AGPAT1: variants seen among roughly 807,000 people sequenced by gnomAD.
AGPAT1 encodes the protein 1-acyl-sn-glycerol-3-phosphate acyltransferase alpha.
AGPAT1 carries 6 observed loss-of-function variants against 31.2 expected under a neutral mutation model. That is an observed-to-expected ratio of 0.19 (90% CI 0.11 to 0.38). The LOEUF is 0.38. AGPAT1 is among the 10% of genes least tolerant of loss of function. The pLI, the probability that AGPAT1 is intolerant of heterozygous loss-of-function variation, is 1.00. For synonymous variants in AGPAT1, 139 were observed against 154.0 expected (o/e 0.90, Z 0.72); for missense variants, 187 against 377.8 (o/e 0.49, Z 4.19).
In AGPAT1 at chr6:32,171,269, T is replaced by G. The variant is rs564760629; in HGVS notation, c.200+28A>C. On this transcript the variant is annotated intron_variant, in intron 2 of 6. Transcript: ENST00000375107. This position sits in a 1 kb window ranked among gnomAD's most constrained non-coding sequence, Gnocchi z 6.9. ...ACTCACTTTGTACCCTTAGGTTCCC[T>G]CATTGCCCAAGACCCCTTGCCCCTC... 1 of 1,613,058 alleles carries G rather than the reference T, an allele frequency of 6.2e-7. No homozygotes were observed. Among genetic ancestry groups the G allele is most frequent in the Middle Eastern group, 1.6e-4 (1 of 6,062 alleles).
chr6:32,170,248 C>A lies in AGPAT1; in HGVS notation c.523G>T (p.Val175Leu). 6.2e-7 allele frequency: 1 copy of A among 1,613,666 alleles called. No individual in the cohort carries two copies. The highest frequency in any genetic ancestry group is 8.5e-7 in the Non-Finnish European group (1 of 1,179,820). Residue 175 changes from valine (V) to leucine (L), a missense_variant, in exon 5 of 7, where the codon GTG (valine) becomes TTG (leucine). Coordinates refer to ENST00000375107, the MANE Select transcript of AGPAT1 (RefSeq NM_006411.4). This position sits in a 1 kb window ranked among gnomAD's most constrained non-coding sequence, Gnocchi z 7.7. ...TGGTTTCTCGTTCCCTCAGGAAACA[C>A]CCAGACCCTCACCTGGGGGAGAAAG... ...TLLTQDVRVW[V>L]FPEGTRNHNG...
In AGPAT1 at chr6:32,170,565, T is replaced by C; in HGVS notation, c.370A>G (p.Ile124Val). The C allele has an allele frequency of 6.2e-7, 1 of 1,612,642 alleles. No homozygotes were observed. Among genetic ancestry groups the C allele is most frequent in the Non-Finnish European group, 8.5e-7 (1 of 1,180,020 alleles). Residue 124 changes from isoleucine to valine, a missense_variant, in exon 4 of 7, where the codon ATT becomes GTT. By Grantham distance (29) the Ile-to-Val change is conservative (BLOSUM62 3). Coordinates refer to ENST00000375107, the MANE Select transcript of AGPAT1 (RefSeq NM_006411.4). This position sits in a 1 kb window ranked among gnomAD's most constrained non-coding sequence, Gnocchi z 7.7. The part of the protein sequence containing the change: ...MEVLPGRCVP[I>V]AKRELLWAGS... ...GCCCACAGTAGCTCGCGCTTGGCAA[T>C]GGGCACACAGCGGCCTGGCAGTACC...
chr6:32,177,151 A>T, upstream of AGPAT1: 1 of 398,486 alleles, frequency 2.5e-6, no homozygotes. Flanking sequence ...ATCTTTTATC[A>T]AGGTCCCCCC....
upstream of AGPAT1, chr6:32,176,193 A>C (rs1047348012): frequency 5.2e-6 from 5 of 968,998 alleles, no homozygotes; most frequent in African/African-American, 3.5e-5. Context: ...AAACTCTGGC[A>C]TCTCCTCCCC....
upstream of AGPAT1, chr6:32,176,402 CT>C (rs923195167): frequency 2.9e-5 from 23 of 793,026 alleles, no homozygotes; most frequent in Admixed American, 6.2e-5. Context: ...TACTTGGTCT[CT>C]TTTTTTCTCA....
Position 32,175,504 on chromosome 6 carries a change from G to A in AGPAT1, c.-10+310C>T, listed in dbSNP as rs1372836838. ...CTCATGACCCTTCAAGAGTCATGTG[G>A]GGTCAAAGGGCAAGAAAAGGAATTG... On this transcript the variant is annotated intron_variant, in intron 1 of 6. Coordinates refer to ENST00000375107, the MANE Select transcript of AGPAT1 (RefSeq NM_006411.4). This position sits in a 1 kb window ranked among gnomAD's most constrained non-coding sequence, Gnocchi z 4.5. 1.3e-5 allele frequency among the ~76,000 whole-genome samples: 2 copies of A among 152,210 alleles called. No individual in the cohort carries two copies. The highest frequency in any genetic ancestry group is 3.9e-4 in the East Asian group (2 of 5,176).
chr6:32,169,292 G>A lies in AGPAT1; in HGVS notation c.836C>T (p.Pro279Leu), dbSNP rs757621954. The part of the protein sequence containing the change: ...GRGGGDYLKK[P>L]GGGG ...AGCCAGGGTTCACCCACCGCCCCCA[G>A]GCTTCTTCAGATAGTCACCACCACC... is the stretch of plus-strand genomic sequence containing the variant. Residue 279 changes from proline to leucine, a missense_variant, in exon 7 of 7, where the codon CCT becomes CTT. Around this residue, in one of 3 missense-constraint regions of AGPAT1, gnomAD observed 29 missense variants for 33.8 expected, o/e 0.86. Coordinates refer to ENST00000375107, the MANE Select transcript of AGPAT1 (RefSeq NM_006411.4). This position sits in a 1 kb window ranked among gnomAD's most constrained non-coding sequence, Gnocchi z 5.9. 9.3e-6 allele frequency: 15 copies of A among 1,612,780 alleles called. No homozygotes were observed. The highest frequency in any genetic ancestry group is 1.3e-5 in the Non-Finnish European group (15 of 1,179,920).
chr6:32,171,555 G>C lies in AGPAT1; in HGVS notation c.-9-50C>G. 1 of 1,535,894 alleles carries C rather than the reference G, an allele frequency of 6.5e-7. No individual in the cohort carries two copies. The highest frequency in any genetic ancestry group is 8.7e-7 in the Non-Finnish European group (1 of 1,145,748). ...ATCAGCCTGGTTTCTGGAGGAGAGT[G>C]GGGTAGGCAAGGCACAGAAGGCAGG... On this transcript the variant is annotated intron_variant, in intron 1 of 6. Transcript: ENST00000375107. The surrounding 1 kb of genome is among the most constrained non-coding windows in gnomAD (Gnocchi z 6.9).
In AGPAT1 at chr6:32,173,514, A is replaced by AT. The variant is rs914973862; in HGVS notation, c.-9-2010dup. 1.3e-5 allele frequency among the ~76,000 whole-genome samples: 2 copies of AT among 152,166 alleles called. No homozygotes were observed. The highest frequency in any genetic ancestry group is 2.9e-5 in the Non-Finnish European group (2 of 68,012). On this transcript the variant is annotated intron_variant, in intron 1 of 6. Coordinates refer to ENST00000375107, the MANE Select transcript of AGPAT1 (RefSeq NM_006411.4). This position sits in a 1 kb window ranked among gnomAD's most constrained non-coding sequence, Gnocchi z 4.7. ...CACAGAGATTTTTCTGTTAGCACAG[A>AT]TTTTTCTGAAACACAGAGCATTTCC...
rs1326586938 is a variant in AGPAT1, at chr6:32,175,451, A to G, written c.-10+363T>C. On this transcript the variant is annotated intron_variant, in intron 1 of 6. Transcript: ENST00000375107. This position sits in a 1 kb window ranked among gnomAD's most constrained non-coding sequence, Gnocchi z 4.5. ...AACAGAGGCACCTAAGGGTATTCCTAAGAGGCAAATTCTGCTGGCCTTCTC... is the reference window on the plus strand; with the variant it reads ...AACAGAGGCACCTAAGGGTATTCCTGAGAGGCAAATTCTGCTGGCCTTCTC... Among the ~76,000 whole-genome samples the G allele has an allele frequency of 6.6e-6, 1 of 152,092 alleles. No individual in the cohort carries two copies. Among genetic ancestry groups the G allele is most frequent in the African/African-American group, 2.4e-5 (1 of 41,406 alleles).
upstream of AGPAT1, among the ~76,000 whole-genome samples, chr6:32,176,328 T>A (rs1006996099): frequency 4.6e-5 from 7 of 152,214 alleles, no homozygotes; most frequent in Non-Finnish European, 7.3e-5. Context: ...CCCCTGGTGC[T>A]GTATTCCTCC....
At position 32,170,304 on chromosome 6, in the gene AGPAT1, A is replaced by C. The variant is rs1353881099; in HGVS notation, c.511-44T>G. The C allele has an allele frequency of 1.4e-5, 23 of 1,605,528 alleles. No individual in the cohort carries two copies. The highest frequency in any genetic ancestry group is 2.0e-5 in the Non-Finnish European group (23 of 1,174,502). Reference sequence around the variant, plus strand: ...CAAAGAAGACAAATACATATGGAGGAGTCAGAATAGGTGTGATGTTATAAT... The same window carrying C: ...CAAAGAAGACAAATACATATGGAGGCGTCAGAATAGGTGTGATGTTATAAT... On this transcript the variant is annotated intron_variant, in intron 4 of 6. Transcript: ENST00000375107. This position sits in a 1 kb window ranked among gnomAD's most constrained non-coding sequence, Gnocchi z 7.7.
At chr6:32,176,370 GCT>G (rs763969397), upstream of AGPAT1, 15 of 483,888 alleles carry the variant, frequency 3.1e-5, no homozygotes, top group Admixed American at 1.3e-4. Context: ...TTCTCCATCA[GCT>G]CTCTTTTAAC....
In AGPAT1 at chr6:32,170,681, C is replaced by A. The variant is rs764744712; in HGVS notation, c.335-81G>T. The A allele has an allele frequency of 1.3e-6, 2 of 1,535,548 alleles. No homozygotes were observed. Among genetic ancestry groups the A allele is most frequent in the South Asian group, 2.2e-5 (2 of 89,260 alleles). ...GCAACCCACCTCACCCAGCTCATCA[C>A]CCTCTGGTAGGGACTGGAGGTGAAG... On this transcript the variant is annotated intron_variant, in intron 3 of 6. Transcript: ENST00000375107. This position sits in a 1 kb window ranked among gnomAD's most constrained non-coding sequence, Gnocchi z 7.7.
At chr6:32,176,961 T>C (rs1264826631), upstream of AGPAT1, 1 of 398,574 alleles carries the variant, frequency 2.5e-6, no homozygotes, top group East Asian at 3.6e-5. Context: ...CCTCTTCTCT[T>C]CCTCCACTCC....
rs760726399 is a variant in AGPAT1 at position 32,169,347 on chromosome 6, C to G, written c.781G>C (p.Val261Leu). 1.9e-6 allele frequency: 3 copies of G among 1,613,010 alleles called. No individual in the cohort carries two copies. Among genetic ancestry groups the G allele is most frequent in the Non-Finnish European group, 2.5e-6 (3 of 1,179,990 alleles). The stretch of plus-strand genomic sequence containing the variant: ...CCATCAGTGGAGATTTCCCGGAAAA[C>G]AGTGAGCATGGAGTGCCGGACTCTG... ...ADRVRHSMLT[V>L]FREISTDGRG... The change falls in exon 7 of 7, where the codon GTT becomes CTT. Residue 261 changes from valine (V) to leucine (L), a missense_variant. Coordinates refer to ENST00000375107, the MANE Select transcript of AGPAT1 (RefSeq NM_006411.4). This position sits in a 1 kb window ranked among gnomAD's most constrained non-coding sequence, Gnocchi z 5.9.
chr6:32,171,996 C>A lies in AGPAT1; in HGVS notation c.-9-491G>T, dbSNP rs1457736934. 1 of 173,822 alleles carries A rather than the reference C, an allele frequency of 5.8e-6. No homozygotes were observed. Among genetic ancestry groups the A allele is most frequent in the African/African-American group, 2.4e-5 (1 of 41,878 alleles). The allele number at this position is 173,822 out of a possible 1,614,324, so 10.8% of individuals were successfully genotyped here. A position where few individuals can be genotyped will look rare whatever the true frequency, so the allele number is the denominator to read the frequency against. On this transcript the variant is annotated intron_variant, in intron 1 of 6. Coordinates refer to ENST00000375107, the MANE Select transcript of AGPAT1 (RefSeq NM_006411.4). The surrounding 1 kb of genome is among the most constrained non-coding windows in gnomAD (Gnocchi z 6.9). Reference sequence around the variant, plus strand: ...AAAATGTGAGATATCCATTACTAATCTTTTATGCTGACTACATTTTGAAAT... The same window carrying A: ...AAAATGTGAGATATCCATTACTAATATTTTATGCTGACTACATTTTGAAAT...
rs775617427 is a variant in AGPAT1, at chr6:32,169,402, C to T, written c.726G>A (p.Leu242=). ...CCAGAGCTGGGACGTCATCTGGTGT[C>T]AGCCCTTCCGTGGGCACTGGGGGCA... ...RVLPPVPTEG[L]TPDDVPALAD... The change falls in exon 7 of 7, where the codon CTG becomes CTA. Residue 242 remains leucine, a synonymous_variant. Transcript: ENST00000375107. The surrounding 1 kb of genome is among the most constrained non-coding windows in gnomAD (Gnocchi z 5.9). 1.9e-6 allele frequency: 3 copies of T among 1,612,686 alleles called. No individual in the cohort carries two copies. Among genetic ancestry groups the T allele is most frequent in the South Asian group, 2.2e-5 (2 of 91,090 alleles).
Position 32,169,258 on chromosome 6 carries a change from A to G in AGPAT1, c.*18T>C. 1 of 1,610,790 alleles carries G rather than the reference A, an allele frequency of 6.2e-7. No individual in the cohort carries two copies. The highest frequency in any genetic ancestry group is 8.5e-7 in the Non-Finnish European group (1 of 1,178,606). On this transcript the variant is annotated 3_prime_UTR_variant, in exon 7 of 7. Transcript: ENST00000375107. The surrounding 1 kb of genome is among the most constrained non-coding windows in gnomAD (Gnocchi z 5.9). ...GAGGAAGATGGGGACAGATGGGAGG[A>G]GAGCTCAGAGCCAGGGTTCACCCAC...
Sources: gnomAD v4.1 joint callset for allele counts (sites outside exome capture counted in the v4.1 genomes callset) on GRCh38, gnomAD v4.1.1 for gene constraint, gnomAD v4.1.1 regional missense constraint, Gnocchi (gnomAD v3.1) non-coding constraint, MANE v1.5 for transcripts, NCBI Gene and HGNC (gene_info 2026-07-23, HGNC 2026-07-21) for gene names.